The following PLAT variants were observed in gnomAD, a reference collection of about 807,000 sequenced individuals.
PLAT encodes the protein plasminogen activator, tissue type.
In PLAT, 48 loss-of-function variants were observed where a neutral mutation model predicts 74.9. That is an observed-to-expected ratio of 0.64 (90% confidence interval 0.51 to 0.82). PLAT has a LOEUF of 0.82. PLAT is among the 40% of genes least tolerant of loss of function. The pLI is 0.00. For synonymous variants in PLAT, 307 were observed against 294.4 expected, an observed-to-expected ratio of 1.04 and a Z score of -0.44; for missense variants, 673 against 736.2, an observed-to-expected ratio of 0.91 and a Z score of 0.99.
At position 42,183,872 on chromosome 8, in the gene PLAT, C is replaced by T. The variant is rs573724922; in HGVS notation, c.632-982G>A. Among the ~76,000 whole-genome samples, 12 of 151,736 alleles carry T rather than the reference C, an allele frequency of 7.9e-5. No individual in the cohort carries two copies. The South Asian group carries it at 8.3e-4, about 11-fold the overall frequency. ...GGGTGCTGAATGCATATAGCTGGTG[C>T]GTGTTTATATATATCATATATAAAT... On this transcript the variant is annotated intron_variant, in intron 7 of 13. Transcript: ENST00000220809.
intron 1 of PLAT, among the ~76,000 whole-genome samples, chr8:42,201,387 A>C (rs1563264531): frequency 6.6e-6 from 1 of 152,182 alleles, no homozygotes; most frequent in Non-Finnish European, 1.5e-5. Flanking sequence ...AGCGACCTGC[A>C]CCTACTGTCA....
At chr8:42,203,090 A>C (rs1806197260) in intron 1 of PLAT, among the ~76,000 whole-genome samples, 1 of 152,206 alleles carries the variant, frequency 6.6e-6, no homozygotes, top group East Asian at 1.9e-4. Flanking sequence ...CCTTTGTAGG[A>C]GTCCAGCATG....
At chr8:42,203,992 T>TATATATATATAC (rs1554499838) in intron 1 of PLAT, among the ~76,000 whole-genome samples, 1 of 109,894 alleles carries the variant, frequency 9.1e-6, no homozygotes, top group African/African-American at 5.2e-5. Flanking sequence ...TATATATATA[T>TATATATATATAC]ACACACACAC....
intron 6 of PLAT, chr8:42,185,975 G>A (rs2719420): frequency 0.56 from 84,432 of 151,612 alleles, 23,603 homozygotes; most frequent in South Asian, 0.62. Context: ...AAGATGTTTC[G>A]GACTTGCCAG....
At chr8:42,187,212 C>T (rs373948295) in intron 6 of PLAT, 186 bp downstream of exon 6, 2 of 498,782 alleles carry the variant, frequency 4.0e-6, no homozygotes, top group African/African-American at 3.8e-5. Context: ...AATCTATCAC[C>T]TATCATCTAT....
rs1018715505 is a variant in PLAT, at chr8:42,188,822, CTA to C, written c.253+110_253+111del. ...ATTTTTTGTAGAGACAGGGGACTTG[CTA>C]TGTTTGCCCAGATTGGTCTTGAACT... is the stretch of plus-strand genomic sequence containing the variant. On this transcript the variant is annotated intron_variant, in intron 4 of 13. Transcript: ENST00000220809. 31 of 840,652 alleles carry C rather than the reference CTA, an allele frequency of 3.7e-5. No homozygotes were observed. The African/African-American group carries it at 4.3e-4, about 12-fold the overall frequency. 52.1% of individuals were successfully genotyped at this position (840,652 alleles called of 1,614,324 possible).
intron 1 of PLAT, among the ~76,000 whole-genome samples, chr8:42,195,117 C>T (rs1202618962): frequency 1.3e-5 from 2 of 152,040 alleles, no homozygotes; most frequent in Admixed American, 6.5e-5. Flanking sequence ...CCACCCTCCC[C>T]CTCCCCCTCC....
Position 42,188,009 on chromosome 8 carries a change from G to A in PLAT, c.261C>T (p.Ser87=), listed in dbSNP as rs751015695. The A allele has an allele frequency of 1.3e-5, 21 of 1,604,084 alleles. No homozygotes were observed. The highest frequency in any genetic ancestry group is 1.6e-4 in the Middle Eastern group (1 of 6,068). The stretch of plus-strand genomic sequence containing the variant: ...TGCCCCCGTTGAAACACCTTGGCTC[G>A]CTGCAACCTGTCAAGTATAAAAAAG... ...QCHSVPVKSC[S]EPRCFNGGTC... Residue 87 remains serine (S), a synonymous_variant, in exon 5 of 14, where the codon AGC becomes AGT. Transcript: ENST00000220809.
At chr8:42,189,161 T>C in intron 3 of PLAT, 90 bp from the exon 4 acceptor site, 1 of 1,352,144 alleles carries the variant, frequency 7.4e-7, no homozygotes, top group Non-Finnish European at 1.0e-6. Flanking sequence ...ACTCCCTCAC[T>C]TGCTTTCTAT....
chr8:42,193,824 T>TA (rs1805781351), intron 1 of PLAT: 1 of 152,264 alleles, frequency 6.6e-6, no homozygotes, highest in South Asian at 2.1e-4. Context: ...CATGCCATTC[T>TA]CATGTCTCAG....
chr8:42,207,092 G>A (rs1806370411), intron 1 of PLAT, among the ~76,000 whole-genome samples: 1 of 152,174 alleles, frequency 6.6e-6, no homozygotes, highest in Non-Finnish European at 1.5e-5. Context: ...GGGACCCAGC[G>A]GGCCCTCCCA....
chr8:42,176,562 G>A (rs549557940), intron 13 of PLAT, among the ~76,000 whole-genome samples: 15 of 152,228 alleles, frequency 9.9e-5, no homozygotes, highest in Non-Finnish European at 1.9e-4. Context: ...GAATAAGCAC[G>A]TTGGAAAATG....
chr8:42,193,864 T>G (rs1292259186), intron 1 of PLAT: 3 of 151,932 alleles, frequency 2.0e-5, no homozygotes, highest in Non-Finnish European at 2.9e-5. Flanking sequence ...TACAGGCGCC[T>G]GCCACCACGC....
At chr8:42,197,117 G>T (rs1805940612) in intron 1 of PLAT, among the ~76,000 whole-genome samples, 1 of 152,166 alleles carries the variant, frequency 6.6e-6, no homozygotes. Context: ...GCAGTCTCAG[G>T]GCATGGCAGG....
chr8:42,198,307 T>C (rs1207505020), intron 1 of PLAT, among the ~76,000 whole-genome samples: 1 of 152,140 alleles, frequency 6.6e-6, no homozygotes, highest in African/African-American at 2.4e-5. Context: ...CTGGCCAACA[T>C]AGTGAAACCC....
At chr8:42,185,251 C>T in intron 6 of PLAT, 79 bp from the exon 7 acceptor site, 1 of 829,376 alleles carries the variant, frequency 1.2e-6, no homozygotes, top group Non-Finnish European at 1.9e-6. Flanking sequence ...CTTTGGTATC[C>T]TTTTCTGGAG....
At chr8:42,181,623 C>G (rs1805243805) in intron 9 of PLAT, among the ~76,000 whole-genome samples, 1 of 152,234 alleles carries the variant, frequency 6.6e-6, no homozygotes, top group Non-Finnish European at 1.5e-5. Flanking sequence ...TGCGAGGCCT[C>G]CTCCTCATTC....
intron 3 of PLAT, 144 bp downstream of exon 3, chr8:42,191,228 T>C (rs1377078666): frequency 1.4e-6 from 1 of 696,386 alleles, no homozygotes; most frequent in Non-Finnish European, 2.6e-6. Context: ...CACAGGCATC[T>C]CTGTAGAATC....
At position 42,179,190 on chromosome 8, in the gene PLAT, A is replaced by G. The variant is rs540959015; in HGVS notation, c.1364-127T>C. Reference sequence around the variant, plus strand: ...TTCAACATGTATTAGGTCGAATCCTATGACACTGCTGGTATTTTATCGTTT... The same window carrying G: ...TTCAACATGTATTAGGTCGAATCCTGTGACACTGCTGGTATTTTATCGTTT... On this transcript the variant is annotated intron_variant, in intron 12 of 13. Coordinates refer to ENST00000220809, the MANE Select transcript of PLAT (RefSeq NM_000930.5). The G allele has an allele frequency of 5.1e-4, 330 of 648,318 alleles. 1 individual carries two copies. Among genetic ancestry groups the G allele is most frequent in the Non-Finnish European group, 6.5e-4 (236 of 365,544 alleles). 40.2% of individuals were successfully genotyped at this position (648,318 alleles called of 1,614,324 possible).
Sources: gnomAD v4.1 joint callset for allele counts (sites outside exome capture counted in the v4.1 genomes callset) on GRCh38, gnomAD v4.1.1 for gene constraint, MANE v1.5 for transcripts, NCBI Gene and HGNC (gene_info 2026-07-23, HGNC 2026-07-21) for gene names.